Variants in SETD1B observed in about 807,000 individuals in gnomAD.
SETD1B encodes histone-lysine N-methyltransferase SETD1B.
SETD1B carries 7 observed loss-of-function variants against 148.0 expected under a neutral mutation model. The observed-to-expected ratio is 0.05, with a 90% CI of 0.03 to 0.09. The LOEUF (loss-of-function observed/expected upper bound fraction) is 0.09. Among genes scored for constraint, SETD1B ranks in the 10% least tolerant of loss-of-function variants. SETD1B has a pLI of 1.00. For missense variants in SETD1B, 2,155 were observed against 2,729.9 expected (o/e 0.79, Z 4.69); for synonymous variants, 1,361 against 1,186.5 (o/e 1.15, Z -3.02).
At chr12:121,791,744 G>A in the SETD1B span, among the ~76,000 whole-genome samples, 1 of 152,190 alleles carries the variant, frequency 6.6e-6, no homozygotes, top group African/African-American at 2.4e-5. Flanking sequence ...AGTGAACCCC[G>A]GGACCTGATA....
In SETD1B at chr12:121,819,463, G is replaced by A. The variant is rs959370052; in HGVS notation, c.3478G>A (p.Glu1160Lys). Residue 1160 changes from glutamate to lysine, a missense_variant, in exon 11 of 17, where the codon GAG becomes AAG. Glu to Lys is a moderately conservative substitution (Grantham distance 56). This residue lies in a region of SETD1B where 862 missense variants were observed against 873.8 expected (regional missense o/e 0.99). Transcript: ENST00000604567. ...AGCCACGTCGTCCAGTGAGAGTTCCGAGTCTTCTGAGTTTGAGTCAAGCTC... is the reference window on the plus strand; with the variant it reads ...AGCCACGTCGTCCAGTGAGAGTTCCAAGTCTTCTGAGTTTGAGTCAAGCTC... ...AEATSSSESS[E>K]SSEFESSSES... The A allele has an allele frequency of 1.2e-5, 18 of 1,552,064 alleles. No homozygotes were observed. Among genetic ancestry groups the A allele is most frequent in the East Asian group, 7.3e-5 (3 of 40,918 alleles).
Position 121,808,294 on chromosome 12 carries a change from T to G in SETD1B, c.631T>G (p.Ser211Ala). 1 of 1,549,846 alleles carries G rather than the reference T, an allele frequency of 6.5e-7. No homozygotes were observed. Among genetic ancestry groups the G allele is most frequent in the Non-Finnish European group, 8.7e-7 (1 of 1,146,308 alleles). Reference protein sequence around the residue: ...TLPVGELDAVSPIVNETLQLS... With the variant: ...TLPVGELDAVAPIVNETLQLS... ...CCCAGTGGGCGAGCTGGACGCTGTC[T>G]CTCCAATCGTGAATGAGACCCTGCA... The change falls in exon 5 of 17, where the codon TCT becomes GCT. Residue 211 changes from serine (S) to alanine (A), a missense_variant. Transcript: ENST00000604567. The surrounding 1 kb of genome is among the most constrained non-coding windows in gnomAD (Gnocchi z 5.3).
chr12:121,823,471 A>G lies in SETD1B; in HGVS notation c.4892A>G (p.Glu1631Gly). 6.4e-7 allele frequency: 1 copy of G among 1,550,392 alleles called. No homozygotes were observed. The highest frequency in any genetic ancestry group is 8.7e-7 in the Non-Finnish European group (1 of 1,146,848). Residue 1631 changes from glutamate (E) to glycine (G), a missense_variant, in exon 12 of 17, where the codon GAA becomes GGA. Glu to Gly is a moderately conservative substitution (Grantham distance 98). Around this residue, in one of 11 missense-constraint regions of SETD1B, gnomAD observed 862 missense variants for 873.8 expected, o/e 0.99. Transcript: ENST00000604567. ...GPRGRDEVTEEYMELAKSRGP... is the reference protein window; with the variant it reads ...GPRGRDEVTEGYMELAKSRGP... ...CGTGGGCGCGATGAGGTCACTGAGG[A>G]ATACATGGAGTTGGCCAAGAGCCGG...
At chr12:121,825,437 G>T in intron 13 of SETD1B, 71 bp downstream of exon 13, 1 of 1,438,604 alleles carries the variant, frequency 7.0e-7, no homozygotes, top group South Asian at 1.3e-5. Flanking sequence ...CACTCATGGA[G>T]GGGTGCCAGG....
At position 121,817,988 on chromosome 12, in the gene SETD1B, T is replaced by C. The variant is rs1476391080; in HGVS notation, c.3418+84T>C. The C allele has an allele frequency of 1.5e-6, 2 of 1,348,930 alleles. No homozygotes were observed. The highest frequency in any genetic ancestry group is 9.9e-7 in the Non-Finnish European group (1 of 1,005,026). 83.6% of individuals were successfully genotyped at this position (1,348,930 alleles called of 1,614,324 possible). ...AGCCTGAGCAATTGTCAGAAATACT[T>C]CTGAGCCAAAATGTTGTGCTTTTGA... On this transcript the variant is annotated intron_variant, in intron 10 of 16. Coordinates refer to ENST00000604567, the MANE Select transcript of SETD1B (RefSeq NM_001353345.2). The surrounding 1 kb of genome is among the most constrained non-coding windows in gnomAD (Gnocchi z 8.1).
chr12:121,793,601 G>A, the SETD1B span: 1 of 1,550,926 alleles, frequency 6.4e-7, no homozygotes, highest in South Asian at 1.2e-5. Flanking sequence ...GACCGGGGGC[G>A]GCGGTCTGGG....
chr12:121,828,163 C>T, intron 16 of SETD1B, 93 bp downstream of exon 16: 1 of 1,481,126 alleles, frequency 6.8e-7, no homozygotes, highest in Non-Finnish European at 9.1e-7. Context: ...GCACGGGAAT[C>T]AGCTCGGCCT....
chr12:121,813,173 C>T (rs753019105), intron 6 of SETD1B, among the ~76,000 whole-genome samples: 4 of 152,306 alleles, frequency 2.6e-5, no homozygotes, highest in Non-Finnish European at 5.9e-5. Flanking sequence ...TATTAACTGT[C>T]AAATGGGTCG....
chr12:121,819,637 C>T lies in SETD1B; in HGVS notation c.3652C>T (p.Leu1218=). The stretch of plus-strand genomic sequence containing the variant: ...TGAGCAGGACGGGGAGGAAGCGGCT[C>T]TGGCCCCGGGGGCACCTGCAGTGGA... ...DFEQDGEEAA[L]APGAPAVDSL... is the part of the protein sequence containing the mutation. The change falls in exon 11 of 17, where the codon CTG becomes TTG. Residue 1218 remains leucine (L), a synonymous_variant. Coordinates refer to ENST00000604567, the MANE Select transcript of SETD1B (RefSeq NM_001353345.2). The T allele has an allele frequency of 5.8e-6, 9 of 1,551,718 alleles. No individual in the cohort carries two copies. The highest frequency in any genetic ancestry group is 7.8e-6 in the Non-Finnish European group (9 of 1,147,026).
chr12:121,830,179 C>A lies in SETD1B; in HGVS notation c.5841C>A (p.Ile1947=). 6.4e-7 allele frequency: 1 copy of A among 1,551,490 alleles called. No homozygotes were observed. The highest frequency in any genetic ancestry group is 8.7e-7 in the Non-Finnish European group (1 of 1,146,872). Residue 1947 remains isoleucine, a synonymous_variant, in exon 17 of 17, where the codon ATC becomes ATA. Transcript: ENST00000604567. The surrounding 1 kb of genome is among the most constrained non-coding windows in gnomAD (Gnocchi z 5.7). ...EEITYDYKFP[I]EDVKIPCLCG... ...TTACCTATGACTATAAGTTCCCCAT[C>A]GAGGACGTCAAGATCCCCTGCCTCT...
chr12:121,830,362 G>T lies in SETD1B; in HGVS notation c.*123G>T, dbSNP rs150436250. On this transcript the variant is annotated 3_prime_UTR_variant, in exon 17 of 17. Coordinates refer to ENST00000604567, the MANE Select transcript of SETD1B (RefSeq NM_001353345.2). This position sits in a 1 kb window ranked among gnomAD's most constrained non-coding sequence, Gnocchi z 5.7. ...TTTCAGGTGCTGTCCTCTACCCAGC[G>T]GCCATTCAGGGCCTGGCGCCCCACA... The T allele has an allele frequency of 9.2e-4, 832 of 907,356 alleles. 5 individuals are homozygous for T. In the African/African-American group the frequency reaches 0.012, roughly 14 times the overall value. The allele number at this position is 907,356 out of a possible 1,614,324, so 56.2% of individuals were successfully genotyped here.
chr12:121,821,335 G>A (rs1180584524), intron 11 of SETD1B, among the ~76,000 whole-genome samples: 1 of 152,068 alleles, frequency 6.6e-6, no homozygotes, highest in Non-Finnish European at 1.5e-5. Context: ...TACTTGGGAG[G>A]CTGAGGCAGG....
At chr12:121,800,530 C>G (rs941365243), upstream of SETD1B, 2 of 151,864 alleles carry the variant, frequency 1.3e-5, no homozygotes, top group African/African-American at 4.8e-5. Flanking sequence ...CCCCGCCGAC[C>G]CCGTGGCCCT....
rs1876190146 is a variant in SETD1B at position 121,814,453 on chromosome 12, C to T, written c.2238C>T (p.Pro746=). 6.9e-7 allele frequency: 1 copy of T among 1,447,154 alleles called. No individual in the cohort carries two copies. The highest frequency in any genetic ancestry group is 9.1e-7 in the Non-Finnish European group (1 of 1,097,164). The allele number at this position is 1,447,154 out of a possible 1,614,324, so 89.6% of individuals were successfully genotyped here. Residue 746 remains proline (P), a synonymous_variant, in exon 7 of 17, where the codon CCC becomes CCT. Coordinates refer to ENST00000604567, the MANE Select transcript of SETD1B (RefSeq NM_001353345.2). ...VPPPPILPPL[P]PFPPGLFPVM... ...CCCCACCCATCCTGCCACCACTGCC[C>T]CCCTTTCCGCCGGGCCTGTTCCCTG...
At chr12:121,825,149 G>C in intron 12 of SETD1B, 51 bp from the exon 13 acceptor site, 1 of 1,532,850 alleles carries the variant, frequency 6.5e-7, no homozygotes, top group Middle Eastern at 1.7e-4. Context: ...GTCTATGAAG[G>C]GACCAGAAGG....
intron 5 of SETD1B, among the ~76,000 whole-genome samples, chr12:121,809,238 C>T (rs1178311357): frequency 6.6e-6 from 1 of 152,162 alleles, no homozygotes; most frequent in African/African-American, 2.4e-5. Context: ...TGGCCATCCT[C>T]TCGTGCACAA....
chr12:121,805,083 TTC>T lies in SETD1B; in HGVS notation c.175-30_175-29del. 1 of 1,533,428 alleles carries T rather than the reference TTC, an allele frequency of 6.5e-7. No homozygotes were observed. The highest frequency in any genetic ancestry group is 8.8e-7 in the Non-Finnish European group (1 of 1,130,682). 95.0% of individuals were successfully genotyped at this position (1,533,428 alleles called of 1,614,324 possible). On this transcript the variant is annotated intron_variant, in intron 2 of 16. Coordinates refer to ENST00000604567, the MANE Select transcript of SETD1B (RefSeq NM_001353345.2). This position sits in a 1 kb window ranked among gnomAD's most constrained non-coding sequence, Gnocchi z 4.2. ...GTCTGCCCATGGGGAGGGGGACCAG[TTC>T]TCTCATCCCGGCCCCCCAATTTCTC...
intron 13 of SETD1B, among the ~76,000 whole-genome samples, chr12:121,827,137 G>A (rs532303455): frequency 7.9e-5 from 12 of 152,224 alleles, no homozygotes; most frequent in African/African-American, 2.6e-4. Flanking sequence ...AATGGCTGGG[G>A]CAGAGGCCCA....
chr12:121,793,118 A>T, the SETD1B span: 7 of 1,530,476 alleles, frequency 4.6e-6, no homozygotes, highest in Non-Finnish European at 5.3e-6. Context: ...GGGCGGGCGG[A>T]CCCTCGGGCC....
Sources: allele counts gnomAD v4.1 joint callset (sites outside exome capture counted in the v4.1 genomes callset), GRCh38; gene constraint gnomAD v4.1.1; regional missense constraint gnomAD v4.1.1; non-coding constraint Gnocchi (gnomAD v3.1); transcripts MANE v1.5; gene names NCBI Gene and HGNC (gene_info 2026-07-23, HGNC 2026-07-21).